The following PTPN13 variants were observed in gnomAD, a reference collection of about 807,000 sequenced individuals.
The protein encoded by PTPN13 is tyrosine-protein phosphatase non-receptor type 13.
In PTPN13, 191 loss-of-function variants were observed where a neutral mutation model predicts 284.0. That is an observed-to-expected ratio of 0.67 (90% CI 0.60 to 0.76). PTPN13 has a LOEUF of 0.76. PTPN13 is among the 30% of genes least tolerant of loss of function. The pLI, the probability that PTPN13 is intolerant of heterozygous loss-of-function variation, is 0.00. For synonymous variants in PTPN13, 986 were observed against 1,022.3 expected (o/e 0.96, Z 0.68); for missense variants, 2,797 against 2,939.9 (o/e 0.95, Z 1.12).
chr4:86,748,764 T>TCCTG (rs1288626026), intron 17 of PTPN13, among the ~76,000 whole-genome samples: 1 of 152,116 alleles, frequency 6.6e-6, no homozygotes, highest in Admixed American at 6.5e-5. Flanking sequence ...CACGCCATTC[T>TCCTG]CCTGCCTCAG....
intron 1 of PTPN13, among the ~76,000 whole-genome samples, chr4:86,617,053 C>T (rs1297049091): frequency 6.6e-6 from 1 of 152,036 alleles, no homozygotes; most frequent in South Asian, 2.1e-4. Context: ...TGATGGGAAG[C>T]CACGAAGCAT....
intron 26 of PTPN13, among the ~76,000 whole-genome samples, chr4:86,765,739 A>G (rs907671355): frequency 3.3e-5 from 5 of 152,222 alleles, no homozygotes; most frequent in Non-Finnish European, 7.3e-5. Context: ...AAGGAAAGAA[A>G]ATATCTAGAC....
intron 1 of PTPN13, among the ~76,000 whole-genome samples, chr4:86,614,472 T>C (rs1202547761): frequency 1.3e-5 from 2 of 152,202 alleles, no homozygotes; most frequent in Non-Finnish European, 2.9e-5. Context: ...GTAAAGCTAT[T>C]ATTTCTTGGT....
At chr4:86,620,807 C>T (rs1190798426) in intron 1 of PTPN13, among the ~76,000 whole-genome samples, 1 of 152,178 alleles carries the variant, frequency 6.6e-6, no homozygotes, top group African/African-American at 2.4e-5. Context: ...GGTCTAATTT[C>T]GGGCTAGCTA....
intron 1 of PTPN13, among the ~76,000 whole-genome samples, chr4:86,614,216 T>C (rs1009954356): frequency 2.6e-5 from 4 of 152,132 alleles, no homozygotes; most frequent in South Asian, 2.1e-4. Context: ...GTCAGTAAAC[T>C]GAACAGAAAA....
At position 86,766,490 on chromosome 4, in the gene PTPN13, T is replaced by G; in HGVS notation, c.4302T>G (p.Ala1434=). 1 of 1,609,812 alleles carries G rather than the reference T, an allele frequency of 6.2e-7. No homozygotes were observed. Among genetic ancestry groups the G allele is most frequent in the Non-Finnish European group, 8.5e-7 (1 of 1,178,762 alleles). The change falls in exon 27 of 48, where the codon GCT becomes GCG. Residue 1434 remains alanine, a synonymous_variant. Coordinates refer to ENST00000411767, the MANE Select transcript of PTPN13 (RefSeq NM_080683.3). ...TAGAAGGAGCCACCCATAAGCAAGC[T>G]GTGGAAACACTGAGAAATACAGGAC... The part of the protein sequence containing the change: ...VSLEGATHKQ[A]VETLRNTGQV...
intron 10 of PTPN13, among the ~76,000 whole-genome samples, chr4:86,725,345 G>T (rs189910741): frequency 6.7e-6 from 1 of 149,222 alleles, no homozygotes; most frequent in Non-Finnish European, 1.5e-5. Flanking sequence ...TAATAGGATC[G>T]CTGGGTCAAA....
intron 40 of PTPN13, among the ~76,000 whole-genome samples, chr4:86,794,333 C>T (rs567628318): frequency 7.9e-5 from 12 of 152,238 alleles, no homozygotes; most frequent in Admixed American, 2.0e-4. Flanking sequence ...AGGAATCCAA[C>T]TTACGAGGGA....
intron 36 of PTPN13, among the ~76,000 whole-genome samples, chr4:86,781,873 G>C (rs1220020183): frequency 6.6e-6 from 1 of 151,016 alleles, no homozygotes; most frequent in Non-Finnish European, 1.5e-5. Context: ...TGAGGCAGGA[G>C]AATCGCTTGA....
chr4:86,789,005 C>G (rs1742301418), intron 40 of PTPN13, among the ~76,000 whole-genome samples: 1 of 152,148 alleles, frequency 6.6e-6, no homozygotes, highest in African/African-American at 2.4e-5. Context: ...GATAGTTAAG[C>G]TAGGAAAGAG....
chr4:86,673,321 T>A (rs144387258), intron 3 of PTPN13, among the ~76,000 whole-genome samples: 1,757 of 152,204 alleles, frequency 0.012, 11 homozygotes, highest in Non-Finnish European at 0.013. Flanking sequence ...AGAGAAGAGG[T>A]AGCTATTTGT....
rs769382722 is a variant in PTPN13 at position 86,796,842 on chromosome 4, G to A, written c.6346-32G>A. The A allele has an allele frequency of 9.5e-6, 13 of 1,370,932 alleles. No homozygotes were observed. In the East Asian group the frequency reaches 2.7e-4, roughly 28 times the overall value. The allele number at this position is 1,370,932 out of a possible 1,614,324, so 84.9% of individuals were successfully genotyped here. On this transcript the variant is annotated intron_variant, in intron 40 of 47. Transcript: ENST00000411767. ...TATGCGATTTTTTTTGTTACAATGG[G>A]CTGATTTGATTCTTATATATTTTTA...
intron 1 of PTPN13, among the ~76,000 whole-genome samples, chr4:86,612,390 T>C (rs1257157615): frequency 6.6e-6 from 1 of 152,156 alleles, no homozygotes; most frequent in African/African-American, 2.4e-5. Flanking sequence ...AGGAATATAT[T>C]AAACCTCTAA....
At chr4:86,622,755 T>C (rs1240842858) in intron 1 of PTPN13, among the ~76,000 whole-genome samples, 1 of 152,194 alleles carries the variant, frequency 6.6e-6, no homozygotes, top group Admixed American at 6.5e-5. Context: ...TGTGTACTAC[T>C]TTAGAGTCTC....
chr4:86,688,552 A>G (rs113920779), intron 4 of PTPN13, among the ~76,000 whole-genome samples: 7,007 of 152,142 alleles, frequency 0.046, 214 homozygotes, highest in African/African-American at 0.059. Flanking sequence ...ATGGTCTTGA[A>G]GCATTGCAAT....
In PTPN13 at chr4:86,767,670, A is replaced by G. The variant is rs143855229; in HGVS notation, c.4330-147A>G. Reference sequence around the variant, plus strand: ...TTCAACCCCTTGCTTTTGTTCCTCTATTTTTTTTTTCTCCCCCTTCATTTG... The same window carrying G: ...TTCAACCCCTTGCTTTTGTTCCTCTGTTTTTTTTTTCTCCCCCTTCATTTG... On this transcript the variant is annotated intron_variant, in intron 27 of 47. Coordinates refer to ENST00000411767, the MANE Select transcript of PTPN13 (RefSeq NM_080683.3). The G allele has an allele frequency of 5.1e-4, 269 of 531,802 alleles. 1 individual carries two copies. The highest frequency in any genetic ancestry group is 4.9e-3 in the African/African-American group (248 of 50,450). The allele number at this position is 531,802 out of a possible 1,614,324, so 32.9% of individuals were successfully genotyped here. A position where few individuals can be genotyped will look rare whatever the true frequency, so the allele number is the denominator to read the frequency against.
At chr4:86,616,872 C>T (rs994902321) in intron 1 of PTPN13, among the ~76,000 whole-genome samples, 2 of 152,132 alleles carry the variant, frequency 1.3e-5, no homozygotes, top group East Asian at 1.9e-4. Context: ...CAGCCTAATA[C>T]AGGAGTGTTC....
At chr4:86,790,012 T>G (rs951861148) in intron 40 of PTPN13, among the ~76,000 whole-genome samples, 3 of 152,146 alleles carry the variant, frequency 2.0e-5, no homozygotes, top group African/African-American at 7.2e-5. Context: ...AAAATTTTCA[T>G]ATTTATAATA....
intron 1 of PTPN13, among the ~76,000 whole-genome samples, chr4:86,611,430 C>T (rs1013580659): frequency 1.3e-5 from 2 of 152,090 alleles, no homozygotes; most frequent in African/African-American, 4.8e-5. Flanking sequence ...AACTGGGATG[C>T]CATTTACAGT....
Sources: allele counts gnomAD v4.1 joint callset (sites outside exome capture counted in the v4.1 genomes callset), GRCh38; gene constraint gnomAD v4.1.1; transcripts MANE v1.5; gene names NCBI Gene and HGNC (gene_info 2026-07-23, HGNC 2026-07-21).